DENND4C: variants seen among roughly 807,000 people sequenced by gnomAD.
The protein encoded by DENND4C is DENN domain-containing protein 4C.
Under a neutral mutation model 203.0 loss-of-function variants are expected in DENND4C, and 108 were observed. The ratio of observed to expected loss-of-function variants is 0.53; its 90% CI spans 0.46 to 0.62. DENND4C has a LOEUF of 0.62. Ranked by LOEUF, DENND4C falls within the 20% of genes least tolerant of loss-of-function variation. The probability of loss-of-function intolerance (pLI) is 0.00; values close to 1 mark genes in which losing one functional copy is unlikely to be tolerated. For synonymous variants in DENND4C, 871 were observed against 792.4 expected (o/e 1.10, Z -1.67); for missense variants, 2,481 against 2,301.2 (o/e 1.08, Z -1.60).
At chr9:19,307,718 G>T (rs148006182) in intron 10 of DENND4C, among the ~76,000 whole-genome samples, 1 of 149,706 alleles carries the variant, frequency 6.7e-6, no homozygotes, top group Non-Finnish European at 1.5e-5. Flanking sequence ...TGCAGTGAGC[G>T]GAGATCATGC....
intron 26 of DENND4C, among the ~76,000 whole-genome samples, chr9:19,354,692 C>T (rs759047227): frequency 2.6e-5 from 4 of 151,454 alleles, no homozygotes; most frequent in Non-Finnish European, 5.9e-5. Context: ...GCTGGGAGTG[C>T]CCACCACCAT....
chr9:19,257,396 G>C (rs1828260950), intron 1 of DENND4C, among the ~76,000 whole-genome samples: 2 of 150,910 alleles, frequency 1.3e-5, no homozygotes, highest in Non-Finnish European at 2.9e-5. Context: ...CTAGATTTGT[G>C]GGGTACCACT....
At chr9:19,326,232 T>C in intron 15 of DENND4C, 38 bp downstream of exon 15, 2 of 1,564,744 alleles carry the variant, frequency 1.3e-6, no homozygotes, top group Non-Finnish European at 1.7e-6. Context: ...TGGCACAGCC[T>C]ATCAGTTTCT....
At chr9:19,267,914 G>T (rs990347281) in intron 1 of DENND4C, among the ~76,000 whole-genome samples, 2 of 152,038 alleles carry the variant, frequency 1.3e-5, no homozygotes, top group Non-Finnish European at 2.9e-5. Context: ...TTTGATTGGA[G>T]AATTTAGTCT....
At position 19,275,693 on chromosome 9, in the gene DENND4C, G is replaced by A. The variant is rs548090174; in HGVS notation, c.-17-465G>A. Among the ~76,000 whole-genome samples, 168 of 151,370 alleles carry A rather than the reference G, an allele frequency of 1.1e-3. 2 individuals are homozygous for A. Among genetic ancestry groups the A allele is most frequent in the African/African-American group, 3.5e-3 (144 of 41,282 alleles). On this transcript the variant is annotated intron_variant, in intron 1 of 32. Coordinates refer to ENST00000434457, the MANE Select transcript of DENND4C (RefSeq NM_001330640.2). Reference sequence around the variant, plus strand: ...GCCGTGGTGGCTAGGCTGTTCTCGAGCTCCTGACCTCAGGTGATCCACCCA... The same window carrying A: ...GCCGTGGTGGCTAGGCTGTTCTCGAACTCCTGACCTCAGGTGATCCACCCA...
intron 1 of DENND4C, among the ~76,000 whole-genome samples, chr9:19,269,340 G>A (rs1225319348): frequency 6.6e-6 from 1 of 152,010 alleles, no homozygotes; most frequent in East Asian, 1.9e-4. Context: ...TGTATTTTTA[G>A]TAGAGACAGG....
intron 1 of DENND4C, among the ~76,000 whole-genome samples, chr9:19,257,532 A>G (rs1408967344): frequency 2.0e-5 from 3 of 152,162 alleles, no homozygotes; most frequent in Non-Finnish European, 4.4e-5. Context: ...CTACATAAGC[A>G]GAGAAAAGAA....
At chr9:19,272,685 C>T (rs1047177664) in intron 1 of DENND4C, among the ~76,000 whole-genome samples, 1 of 152,132 alleles carries the variant, frequency 6.6e-6, no homozygotes, top group Admixed American at 6.6e-5. Flanking sequence ...AAATGTAAAA[C>T]CTAAAATTAT....
chr9:19,372,009 C>T (rs755904711), intron 32 of DENND4C, 28 bp from the exon 33 acceptor site: 1 of 1,597,882 alleles, frequency 6.3e-7, no homozygotes, highest in East Asian at 2.2e-5. Flanking sequence ...TAACAAATTA[C>T]AACTTCATTT....
rs998741981 is a variant in DENND4C, at chr9:19,358,456, C to T, written c.5160+296C>T. Among the ~76,000 whole-genome samples, 7 of 149,130 alleles carry T rather than the reference C, an allele frequency of 4.7e-5. No individual in the cohort carries two copies. Among genetic ancestry groups the T allele is most frequent in the African/African-American group, 1.8e-4 (7 of 38,600 alleles). ...TTATTTTGAAGCAAATTTCAAACAT[C>T]ACATATTCTGTTAGTAAATATTTCA... On this transcript the variant is annotated intron_variant, in intron 28 of 32. Coordinates refer to ENST00000434457, the MANE Select transcript of DENND4C (RefSeq NM_001330640.2). This position sits in a 1 kb window ranked among gnomAD's most constrained non-coding sequence, Gnocchi z 4.8.
At chr9:19,315,092 G>C (rs147973951) in intron 10 of DENND4C, among the ~76,000 whole-genome samples, 7,885 of 149,860 alleles carry the variant, frequency 0.053, 260 homozygotes, top group Non-Finnish European at 0.083. Context: ...CCTGGAATGC[G>C]GAGGTTGCAG....
intron 1 of DENND4C, among the ~76,000 whole-genome samples, chr9:19,270,095 T>A (rs947209186): frequency 6.6e-6 from 1 of 152,146 alleles, no homozygotes; most frequent in African/African-American, 2.4e-5. Context: ...TTGTTCTCTT[T>A]CCTTATTTTC....
At chr9:19,350,668 T>G (rs1563831556) in intron 23 of DENND4C, 34 bp from the exon 24 acceptor site, 2 of 1,582,006 alleles carry the variant, frequency 1.3e-6, no homozygotes, top group East Asian at 4.5e-5. Context: ...AAGGTATTAT[T>G]TATGTATGTG....
rs769620388 is a variant in DENND4C at position 19,332,046 on chromosome 9, G to T, written c.2322G>T (p.Leu774=). 3.7e-6 allele frequency: 6 copies of T among 1,613,908 alleles called. No individual in the cohort carries two copies. The African/African-American group carries it at 6.7e-5, about 18-fold the overall frequency. Residue 774 remains leucine (L), a synonymous_variant, in exon 17 of 33, where the codon CTG becomes CTT. Transcript: ENST00000434457. ...YTNPPQWAKC[L]FSHCYSLWFI... ...ATCCACCACAGTGGGCCAAGTGTCT[G>T]TTTAGTCATTGTTACAGTTTATGGT...
At chr9:19,284,843 C>G (rs892746277) in intron 2 of DENND4C, among the ~76,000 whole-genome samples, 1 of 152,010 alleles carries the variant, frequency 6.6e-6, no homozygotes, top group Non-Finnish European at 1.5e-5. Context: ...CTTCAGTCAA[C>G]TTGTCTTTTA....
At chr9:19,265,269 G>T (rs1193219942) in intron 1 of DENND4C, among the ~76,000 whole-genome samples, 1 of 151,896 alleles carries the variant, frequency 6.6e-6, no homozygotes, top group Non-Finnish European at 1.5e-5. Context: ...TGTCCCCCTT[G>T]CTCTCCCAAA....
chr9:19,239,791 AT>A (rs1296901616), intron 1 of DENND4C, among the ~76,000 whole-genome samples: 1 of 151,916 alleles, frequency 6.6e-6, no homozygotes, highest in Non-Finnish European at 1.5e-5. Context: ...CAGCCAATTT[AT>A]ATTCTTTAAA....
chr9:19,266,806 C>T (rs1361059742), intron 1 of DENND4C, among the ~76,000 whole-genome samples: 1 of 152,178 alleles, frequency 6.6e-6, no homozygotes, highest in Non-Finnish European at 1.5e-5. Context: ...CCCTTCCTTA[C>T]ACCTTATACA....
chr9:19,261,068 C>T (rs1396025246), intron 1 of DENND4C, among the ~76,000 whole-genome samples: 1 of 152,152 alleles, frequency 6.6e-6, no homozygotes. Context: ...TAGTTTCCTT[C>T]TTCTGCATAT....
Sources: allele counts gnomAD v4.1 joint callset (sites outside exome capture counted in the v4.1 genomes callset), GRCh38; gene constraint gnomAD v4.1.1; non-coding constraint Gnocchi (gnomAD v3.1); transcripts MANE v1.5; gene names NCBI Gene and HGNC (gene_info 2026-07-23, HGNC 2026-07-21).